PCDHGA3: variants seen among roughly 807,000 people sequenced by gnomAD.
PCDHGA3 encodes the protein protocadherin gamma-A3.
A neutral mutation model predicts 58.5 loss-of-function variants in PCDHGA3; 40 were observed. The ratio of observed to expected loss-of-function variants is 0.68; its 90% confidence interval spans 0.53 to 0.89. PCDHGA3 has a LOEUF of 0.89. Ranked by LOEUF, PCDHGA3 falls within the 40% of genes least tolerant of loss-of-function variation. PCDHGA3 has a pLI of 0.00. For missense variants in PCDHGA3, 1,223 were observed against 1,195.9 expected (o/e 1.02, Z -0.33); for synonymous variants, 530 against 525.7 (o/e 1.01, Z -0.11).
chr5:141,419,043 A>G (rs1561777660), intron 1 of PCDHGA3: 5 of 1,613,958 alleles, frequency 3.1e-6, no homozygotes. Flanking sequence ...TTTAAGATTC[A>G]TTCTTCTTCT....
chr5:141,440,878 C>A (rs1359689557), intron 1 of PCDHGA3: 1 of 152,146 alleles, frequency 6.6e-6, no homozygotes, highest in Non-Finnish European at 1.5e-5. Context: ...TGTACAGCGT[C>A]GGCCTTCAGG....
At chr5:141,427,132 G>A (rs755992698) in intron 1 of PCDHGA3, 1 of 457,106 alleles carries the variant, frequency 2.2e-6, no homozygotes, top group South Asian at 1.5e-5. Flanking sequence ...AAATCCCTAC[G>A]AGATGATATT....
At chr5:141,460,985 ATATATATATATGTG>A (rs2099005673) in intron 1 of PCDHGA3, among the ~76,000 whole-genome samples, 1 of 91,766 alleles carries the variant, frequency 1.1e-5, no homozygotes, top group Non-Finnish European at 2.2e-5. Flanking sequence ...GTGTGTGTGT[ATATATATATATGTG>A]TATATATATA....
Position 141,360,493 on chromosome 5 carries a change from G to A in PCDHGA3, c.2424+14036G>A, listed in dbSNP as rs62621827. On this transcript the variant is annotated intron_variant, in intron 1 of 3. Transcript: ENST00000253812. ...AAATCCACTAAATATTTTCTACATA[G>A]CAGTAATTGTGCAGGATATAAATGA... 2,547 of 1,613,892 alleles carry A rather than the reference G, an allele frequency of 1.6e-3. 41 individuals are homozygous for A. In the African/African-American group the frequency reaches 0.029, roughly 18 times the overall value.
At position 141,423,457 on chromosome 5, in the gene PCDHGA3, G is replaced by A. The variant is rs148481587; in HGVS notation, c.2425-71350G>A. 6.9e-5 allele frequency: 111 copies of A among 1,614,010 alleles called. 2 individuals carry two copies. The South Asian group carries it at 9.3e-4, about 14-fold the overall frequency. ...TATGCCCACGTCACATTTTGTAGGC[G>A]TGGACGGGGTACAGGCTTTCCTGCA... On this transcript the variant is annotated intron_variant, in intron 1 of 3. Coordinates refer to ENST00000253812, the MANE Select transcript of PCDHGA3 (RefSeq NM_018916.4).
intron 1 of PCDHGA3, chr5:141,384,672 G>A (rs1316537355): frequency 6.2e-7 from 1 of 1,614,086 alleles, no homozygotes; most frequent in Non-Finnish European, 8.5e-7. Flanking sequence ...TGACCAAGGT[G>A]GTGGCGGTGG....
chr5:141,343,877 A>T lies in PCDHGA3; in HGVS notation c.-157A>T. 1.6e-6 allele frequency: 1 copy of T among 616,594 alleles called. No homozygotes were observed. Among genetic ancestry groups the T allele is most frequent in the Non-Finnish European group, 2.7e-6 (1 of 365,204 alleles). 38.2% of individuals were successfully genotyped at this position (616,594 alleles called of 1,614,324 possible). On this transcript the variant is annotated 5_prime_UTR_variant, in exon 1 of 4. Coordinates refer to ENST00000253812, the MANE Select transcript of PCDHGA3 (RefSeq NM_018916.4). ...CAAAGAACCAGCAAATCAGACTCAGAAGATCCGGGGCGGCTGCCAACCTCA... is the reference window on the plus strand; with the variant it reads ...CAAAGAACCAGCAAATCAGACTCAGTAGATCCGGGGCGGCTGCCAACCTCA...
At chr5:141,363,029 C>T (rs139317097) in intron 1 of PCDHGA3, among the ~76,000 whole-genome samples, 7 of 152,336 alleles carry the variant, frequency 4.6e-5, no homozygotes, top group African/African-American at 1.7e-4. Context: ...GACATTGTCC[C>T]ATTGACTTGA....
chr5:141,429,376 T>TG (rs2097206796), intron 1 of PCDHGA3, among the ~76,000 whole-genome samples: 1 of 144,558 alleles, frequency 6.9e-6, no homozygotes, highest in Non-Finnish European at 1.5e-5. Context: ...GGAGAAAATG[T>TG]GTTTTTTTTT....
intron 1 of PCDHGA3, among the ~76,000 whole-genome samples, chr5:141,406,775 CACTT>C (rs2094850405): frequency 6.6e-6 from 1 of 152,200 alleles, no homozygotes; most frequent in Non-Finnish European, 1.5e-5. Context: ...ATATTTCTCT[CACTT>C]ATATATTATT....
chr5:141,423,297 C>G lies in PCDHGA3; in HGVS notation c.2425-71510C>G, dbSNP rs1322889810. 3 of 1,614,170 alleles carry G rather than the reference C, an allele frequency of 1.9e-6. 1 individual carries two copies. The South Asian group carries it at 3.3e-5, about 18-fold the overall frequency. The stretch of plus-strand genomic sequence containing the variant: ...TGGCTAACTCTGAAACCTCAGACCT[C>G]TCGCTGTACTTGGTGGTGGCGGTGG... On this transcript the variant is annotated intron_variant, in intron 1 of 3. Transcript: ENST00000253812.
chr5:141,358,149 C>T (rs1216761521), intron 1 of PCDHGA3, among the ~76,000 whole-genome samples: 1 of 152,210 alleles, frequency 6.6e-6, no homozygotes, highest in Non-Finnish European at 1.5e-5. Context: ...GAGATCATGA[C>T]ACTGTACTCC....
chr5:141,388,525 C>T (rs780990884), intron 1 of PCDHGA3: 2 of 1,613,854 alleles, frequency 1.2e-6, no homozygotes, highest in Non-Finnish European at 8.5e-7. Flanking sequence ...ACTTTGACTG[C>T]CTTGGACTTT....
At chr5:141,361,397 C>T in intron 1 of PCDHGA3, 1 of 1,614,008 alleles carries the variant, frequency 6.2e-7, no homozygotes, top group Non-Finnish European at 8.5e-7. Flanking sequence ...TACAATCTCA[C>T]CATCACAGCC....
intron 1 of PCDHGA3, chr5:141,423,914 A>G (rs2096790099): frequency 3.0e-5 from 38 of 1,268,116 alleles, no homozygotes; most frequent in Non-Finnish European, 3.0e-6. Flanking sequence ...GGGGCCATTC[A>G]ACTATGCTGG....
At chr5:141,393,082 TAGATCGGG>T in intron 1 of PCDHGA3, 1 of 1,613,652 alleles carries the variant, frequency 6.2e-7, no homozygotes, top group Non-Finnish European at 8.5e-7. Flanking sequence ...GCGGGCAGGA[TAGATCGGG>T]AGGAGCTCTG....
At position 141,393,141 on chromosome 5, in the gene PCDHGA3, G is replaced by A. The variant is rs371909748; in HGVS notation, c.2424+46684G>A. 20 of 1,613,182 alleles carry A rather than the reference G, an allele frequency of 1.2e-5. No homozygotes were observed. The African/African-American group carries it at 2.4e-4, about 19-fold the overall frequency. On this transcript the variant is annotated intron_variant, in intron 1 of 3. Coordinates refer to ENST00000253812, the MANE Select transcript of PCDHGA3 (RefSeq NM_018916.4). Reference sequence around the variant, plus strand: ...GTGTCTGATAAATATTAACACCCTGGTTGAGGATAAAGGAAAACTCTTTGG... The same window carrying A: ...GTGTCTGATAAATATTAACACCCTGATTGAGGATAAAGGAAAACTCTTTGG...
chr5:141,494,778 CA>C (rs1228639033), intron 1 of PCDHGA3, 28 bp from the exon 2 acceptor site: 1 of 1,614,086 alleles, frequency 6.2e-7, no homozygotes, highest in Admixed American at 1.7e-5. Flanking sequence ...CACGGGTACT[CA>C]GCCCCTTTCC....
intron 1 of PCDHGA3, chr5:141,412,160 G>T (rs952899384): frequency 2.0e-5 from 3 of 152,212 alleles, no homozygotes; most frequent in Middle Eastern, 3.2e-3. Flanking sequence ...TAAGAGAAGA[G>T]ATTATTTATA....
Sources: gnomAD v4.1 joint callset for allele counts (sites outside exome capture counted in the v4.1 genomes callset) on GRCh38, gnomAD v4.1.1 for gene constraint, MANE v1.5 for transcripts, NCBI Gene and HGNC (gene_info 2026-07-23, HGNC 2026-07-21) for gene names.